Variants in HMBOX1 observed in about 807,000 individuals in gnomAD.
HMBOX1 encodes homeobox containing 1.
HMBOX1 carries 14 observed loss-of-function variants against 54.5 expected under a neutral mutation model. The observed-to-expected ratio is 0.26, with a 90% CI of 0.17 to 0.40. HMBOX1 has a LOEUF of 0.40. Ranked by LOEUF, HMBOX1 falls within the 10% of genes least tolerant of loss-of-function variation. HMBOX1 has a pLI of 1.00. For synonymous variants in HMBOX1, 160 were observed against 181.0 expected, an observed-to-expected ratio of 0.88 and a Z score of 0.93; for missense variants, 332 against 514.4, an observed-to-expected ratio of 0.65 and a Z score of 3.43.
Position 28,893,649 on chromosome 8 carries a change from G to GTGT in HMBOX1, c.-58+2973_-58+2975dup, listed in dbSNP as rs1262970756. ...TCGCTAATAGAAACTTAATAGCTCA[G>GTGT]TGTTCCTAAGTTACAAAATATGTGG... On this transcript the variant is annotated intron_variant, in intron 1 of 9. Coordinates refer to ENST00000287701, the MANE Select transcript of HMBOX1 (RefSeq NM_001135726.3). Among the ~76,000 whole-genome samples the GTGT allele has an allele frequency of 3.3e-5, 5 of 152,190 alleles. No individual in the cohort carries two copies. In the East Asian group the frequency reaches 9.6e-4, roughly 29 times the overall value.
chr8:28,907,919 C>T (rs757018904), intron 1 of HMBOX1, among the ~76,000 whole-genome samples: 5 of 151,318 alleles, frequency 3.3e-5, no homozygotes, highest in Admixed American at 6.6e-5. Flanking sequence ...GATCTTGGTG[C>T]ACTGCAACCT....
chr8:29,034,885 A>T (rs76217739), intron 6 of HMBOX1, among the ~76,000 whole-genome samples: 1 of 152,040 alleles, frequency 6.6e-6, no homozygotes, highest in South Asian at 2.1e-4. Context: ...AAATAAAGGC[A>T]ATTGAGGACT....
At chr8:28,902,989 C>A (rs985816745) in intron 1 of HMBOX1, among the ~76,000 whole-genome samples, 1 of 152,152 alleles carries the variant, frequency 6.6e-6, no homozygotes, top group Non-Finnish European at 1.5e-5. Flanking sequence ...ACTTATATTT[C>A]TTTCTTTAAC....
At chr8:28,934,163 A>G (rs1024920634) in intron 1 of HMBOX1, among the ~76,000 whole-genome samples, 1 of 152,244 alleles carries the variant, frequency 6.6e-6, no homozygotes, top group Admixed American at 6.5e-5. Context: ...AAAATGTAAC[A>G]ATGGTTTAAC....
chr8:28,923,023 C>A (rs1817808841), intron 1 of HMBOX1, among the ~76,000 whole-genome samples: 2 of 152,138 alleles, frequency 1.3e-5, no homozygotes, highest in Non-Finnish European at 2.9e-5. Context: ...ATACACATAA[C>A]CTAAAATTGA....
intron 1 of HMBOX1, among the ~76,000 whole-genome samples, chr8:28,907,681 G>A (rs547519402): frequency 6.6e-6 from 1 of 152,206 alleles, no homozygotes; most frequent in South Asian, 2.1e-4. Context: ...CTGTTGTCCT[G>A]AGTCTTCCAG....
intron 2 of HMBOX1, 83 bp from the exon 3 acceptor site, chr8:28,969,960 T>G (rs1259420179): frequency 9.5e-6 from 8 of 838,864 alleles, no homozygotes; most frequent in South Asian, 1.7e-5. Flanking sequence ...GTAGAAATAT[T>G]GCATCTTCTG....
At chr8:28,903,820 A>C (rs772733231) in intron 1 of HMBOX1, among the ~76,000 whole-genome samples, 3 of 152,196 alleles carry the variant, frequency 2.0e-5, no homozygotes, top group Non-Finnish European at 2.9e-5. Context: ...TGCATTTGTT[A>C]GTTATTTGGT....
intron 1 of HMBOX1, among the ~76,000 whole-genome samples, chr8:28,924,187 A>G (rs1286372567): frequency 6.6e-6 from 1 of 151,352 alleles, no homozygotes; most frequent in Non-Finnish European, 1.5e-5. Flanking sequence ...GCTCACTGCA[A>G]GCTCCGCCTC....
intron 1 of HMBOX1, among the ~76,000 whole-genome samples, chr8:28,896,348 T>C (rs189883960): frequency 6.6e-6 from 1 of 152,342 alleles, no homozygotes; most frequent in East Asian, 1.9e-4. Flanking sequence ...ATCAGTACAA[T>C]GTGTGTGTAT....
chr8:28,950,661 G>C (rs1823249665), intron 1 of HMBOX1, among the ~76,000 whole-genome samples: 1 of 152,200 alleles, frequency 6.6e-6, no homozygotes, highest in South Asian at 2.1e-4. Context: ...ATGCTTGAAG[G>C]TGATCATGGT....
At chr8:29,037,179 ATTTAT>A (rs1195627369) in intron 6 of HMBOX1, among the ~76,000 whole-genome samples, 1 of 152,194 alleles carries the variant, frequency 6.6e-6, no homozygotes, top group African/African-American at 2.4e-5. Context: ...CAGAGCCATT[ATTTAT>A]TTTATTAAGT....
intron 4 of HMBOX1, among the ~76,000 whole-genome samples, chr8:29,008,503 T>G (rs1833783445): frequency 6.6e-6 from 1 of 152,192 alleles, no homozygotes; most frequent in South Asian, 2.1e-4. Flanking sequence ...CTGCTAATTC[T>G]TCTCTGTACT....
At chr8:28,951,682 T>G (rs910254147) in intron 1 of HMBOX1, among the ~76,000 whole-genome samples, 1 of 152,116 alleles carries the variant, frequency 6.6e-6, no homozygotes, top group Non-Finnish European at 1.5e-5. Flanking sequence ...ATCTGCAAAT[T>G]TAATATACAA....
intron 5 of HMBOX1, chr8:29,009,670 TCTTTGGA>T (rs1335458836): frequency 7.8e-7 from 1 of 1,285,868 alleles, no homozygotes; most frequent in Admixed American, 2.3e-5. Flanking sequence ...AATGGATGTA[TCTTTGGA>T]CTTTAGGATG....
chr8:28,973,618 G>C (rs1244429757), intron 3 of HMBOX1, among the ~76,000 whole-genome samples: 1 of 151,970 alleles, frequency 6.6e-6, no homozygotes, highest in Non-Finnish European at 1.5e-5. Context: ...TAGCCCGTTG[G>C]AAGTGGTAGT....
At chr8:28,890,186 GC>G (rs1810590815), upstream of HMBOX1, 1 of 412,916 alleles carries the variant, frequency 2.4e-6, no homozygotes, top group Non-Finnish European at 4.5e-6. Context: ...TTCCTTACGG[GC>G]CTGGGGCCCA....
At chr8:28,910,139 T>C (rs1163454840) in intron 1 of HMBOX1, among the ~76,000 whole-genome samples, 1 of 152,224 alleles carries the variant, frequency 6.6e-6, no homozygotes, top group South Asian at 2.1e-4. Context: ...ATTTGTACTT[T>C]CCAGACATTT....
intron 3 of HMBOX1, among the ~76,000 whole-genome samples, chr8:28,973,945 G>T (rs1827956953): frequency 6.6e-6 from 1 of 150,806 alleles, no homozygotes; most frequent in Admixed American, 6.7e-5. Flanking sequence ...CTCCCTCGTA[G>T]CTGGGATTAC....
Sources: gnomAD v4.1 joint callset for allele counts (sites outside exome capture counted in the v4.1 genomes callset) on GRCh38, gnomAD v4.1.1 for gene constraint, MANE v1.5 for transcripts, NCBI Gene and HGNC (gene_info 2026-07-23, HGNC 2026-07-21) for gene names.